Variants in TANGO6 observed in about 807,000 individuals in gnomAD.
TANGO6 encodes the protein transport and golgi organization 6 homolog, also known as transport and Golgi organization protein 6 homolog.
In TANGO6, 90 loss-of-function variants were observed where a neutral mutation model predicts 114.2. The ratio of observed to expected loss-of-function variants is 0.79; its 90% CI spans 0.66 to 0.94. The LOEUF is 0.94. Among genes scored for constraint, TANGO6 ranks in the 40% least tolerant of loss-of-function variants. The pLI, the probability that TANGO6 is intolerant of heterozygous loss-of-function variation, is 0.00. For missense variants in TANGO6, 1,274 were observed against 1,315.3 expected (o/e 0.97, Z 0.49); for synonymous variants, 477 against 509.8 (o/e 0.94, Z 0.87).
intron 1 of TANGO6, among the ~76,000 whole-genome samples, chr16:68,850,045 C>A (rs1267283558): frequency 1.3e-5 from 2 of 148,996 alleles, no homozygotes; most frequent in South Asian, 4.2e-4. Flanking sequence ...TCAATCTCCG[C>A]TCACCACAGC....
intron 16 of TANGO6, among the ~76,000 whole-genome samples, chr16:69,025,683 C>T (rs1178786749): frequency 6.6e-6 from 1 of 152,026 alleles, no homozygotes; most frequent in Non-Finnish European, 1.5e-5. Flanking sequence ...GGTAAGTTTG[C>T]ACTGGGTACC....
chr16:69,054,285 AG>A (rs1283202862), intron 17 of TANGO6, among the ~76,000 whole-genome samples: 1 of 152,194 alleles, frequency 6.6e-6, no homozygotes, highest in African/African-American at 2.4e-5. Context: ...TAAACACTCC[AG>A]GCTTCTGCTG....
At chr16:68,977,702 CAA>C (rs370480305) in intron 15 of TANGO6, among the ~76,000 whole-genome samples, 1 of 136,922 alleles carries the variant, frequency 7.3e-6, no homozygotes. Context: ...GATTCCGTCT[CAA>C]AAAAAAAAAG....
intron 1 of TANGO6, among the ~76,000 whole-genome samples, chr16:68,853,927 C>CT (rs1961943271): frequency 6.6e-6 from 1 of 152,040 alleles, no homozygotes; most frequent in Non-Finnish European, 1.5e-5. Flanking sequence ...TGAATAACTT[C>CT]TTTTTTGAAG....
intron 7 of TANGO6, among the ~76,000 whole-genome samples, chr16:68,899,659 G>A (rs143014130): frequency 3.6e-4 from 55 of 152,090 alleles, no homozygotes; most frequent in Middle Eastern, 3.4e-3. Flanking sequence ...GAGGGCAGTA[G>A]CATGATCATA....
At chr16:69,012,323 G>A (rs568242535) in intron 15 of TANGO6, among the ~76,000 whole-genome samples, 126 of 152,168 alleles carry the variant, frequency 8.3e-4, no homozygotes, top group South Asian at 1.7e-3. Context: ...TTGGGAGGCC[G>A]AGGTGGTCGG....
In TANGO6 at chr16:68,919,239, C is replaced by A. The variant is rs756756535; in HGVS notation, c.2127+20C>A. The A allele has an allele frequency of 3.1e-6, 5 of 1,609,588 alleles. No homozygotes were observed. The South Asian group carries it at 4.4e-5, about 14-fold the overall frequency. On this transcript the variant is annotated intron_variant, in intron 12 of 17. Coordinates refer to ENST00000261778, the MANE Select transcript of TANGO6 (RefSeq NM_024562.2). ...GTTCAGGTGAGTTGTAGACATGAGG[C>A]AAGCTTGAATGGAGGGAAGGGAGAA...
chr16:69,054,303 G>A lies in TANGO6; in HGVS notation c.3108+13882G>A, dbSNP rs116232202. Among the ~76,000 whole-genome samples, 489 of 152,304 alleles carry A rather than the reference G, an allele frequency of 3.2e-3. 4 individuals carry two copies. The highest frequency in any genetic ancestry group is 0.011 in the African/African-American group (474 of 41,572). ...ACACTCCAGGCTTCTGCTGGTTGGG[G>A]AGGGGCAGTTACCTGGATGCAGAGA... On this transcript the variant is annotated intron_variant, in intron 17 of 17. Transcript: ENST00000261778.
intron 15 of TANGO6, among the ~76,000 whole-genome samples, chr16:69,018,962 G>A (rs1274611424): frequency 1.3e-5 from 2 of 152,130 alleles, no homozygotes; most frequent in Admixed American, 1.3e-4. Context: ...GTTAATAGTA[G>A]GAAAAGTTGT....
At chr16:69,071,166 T>G (rs1960293166) in intron 17 of TANGO6, among the ~76,000 whole-genome samples, 2 of 152,138 alleles carry the variant, frequency 1.3e-5, no homozygotes, top group Admixed American at 6.6e-5. Context: ...TGGTAAACAT[T>G]ATCAATCTAT....
intron 15 of TANGO6, among the ~76,000 whole-genome samples, chr16:68,987,613 C>T (rs1275201746): frequency 6.6e-6 from 1 of 152,184 alleles, no homozygotes; most frequent in East Asian, 1.9e-4. Context: ...AAGGGATCTG[C>T]CTACCTTGGC....
At chr16:69,027,828 T>A (rs1301779129) in intron 16 of TANGO6, among the ~76,000 whole-genome samples, 1 of 151,936 alleles carries the variant, frequency 6.6e-6, no homozygotes, top group Admixed American at 6.6e-5. Context: ...TCGCCCAGAC[T>A]GGAGTACAAT....
At chr16:68,869,757 G>A (rs1021027580) in intron 4 of TANGO6, among the ~76,000 whole-genome samples, 23 of 152,140 alleles carry the variant, frequency 1.5e-4, no homozygotes, top group Admixed American at 1.3e-3. Context: ...CATTTAAACT[G>A]AGCCCTGAAG....
rs1245814611 is a variant in TANGO6 at position 68,860,584 on chromosome 16, A to T, written c.735+60A>T. 5.8e-6 allele frequency: 9 copies of T among 1,560,476 alleles called. No homozygotes were observed. The Admixed American group carries it at 1.1e-4, about 19-fold the overall frequency. ...TGTGTGTGTATGAATGTGTGTATAT[A>T]TTTGTGGATAGTTGTTATAAAAGGC... On this transcript the variant is annotated intron_variant, in intron 2 of 17. Coordinates refer to ENST00000261778, the MANE Select transcript of TANGO6 (RefSeq NM_024562.2).
intron 1 of TANGO6, among the ~76,000 whole-genome samples, chr16:68,852,571 G>T (rs953936485): frequency 6.6e-6 from 1 of 151,868 alleles, no homozygotes; most frequent in Non-Finnish European, 1.5e-5. Flanking sequence ...GCTCATGCCT[G>T]TAATCCCAAC....
At chr16:68,901,219 G>A (rs1469737612) in intron 8 of TANGO6, among the ~76,000 whole-genome samples, 1 of 152,136 alleles carries the variant, frequency 6.6e-6, no homozygotes, top group African/African-American at 2.4e-5. Context: ...TTATTGTGAA[G>A]ACTAAATATG....
chr16:69,083,095 C>CTT (rs1201400628), intron 17 of TANGO6, among the ~76,000 whole-genome samples: 6 of 120,260 alleles, frequency 5.0e-5, no homozygotes, highest in East Asian at 2.4e-4. Context: ...GCATTATCTT[C>CTT]TTTTTTTTTT....
At chr16:68,947,705 C>T (rs1963431120) in intron 14 of TANGO6, among the ~76,000 whole-genome samples, 2 of 150,920 alleles carry the variant, frequency 1.3e-5, no homozygotes, top group African/African-American at 4.9e-5. Flanking sequence ...AATTCTTCTG[C>T]CTCAGCCTCC....
At chr16:69,033,511 G>C (rs1959634222) in intron 16 of TANGO6, among the ~76,000 whole-genome samples, 1 of 152,146 alleles carries the variant, frequency 6.6e-6, no homozygotes, top group African/African-American at 2.4e-5. Context: ...AGCTCTGGGG[G>C]ACCCAGAGCT....
Sources: allele counts gnomAD v4.1 joint callset (sites outside exome capture counted in the v4.1 genomes callset), GRCh38; gene constraint gnomAD v4.1.1; transcripts MANE v1.5; gene names NCBI Gene and HGNC (gene_info 2026-07-23, HGNC 2026-07-21).